EXOC5: variants seen among roughly 807,000 people sequenced by gnomAD.
EXOC5 encodes the protein SEC10-like 1.
Under a neutral mutation model 90.8 loss-of-function variants are expected in EXOC5, and 17 were observed. The observed-to-expected ratio is 0.19, with a 90% CI of 0.13 to 0.28. The LOEUF is 0.28. Ranked by LOEUF, EXOC5 falls within the 10% of genes least tolerant of loss-of-function variation. The pLI, the probability that EXOC5 is intolerant of heterozygous loss-of-function variation, is 1.00. For synonymous variants in EXOC5, 260 were observed against 270.0 expected (o/e 0.96, Z 0.36); for missense variants, 569 against 830.6 (o/e 0.69, Z 3.87).
In EXOC5 at chr14:57,232,709, T is replaced by C; in HGVS notation, c.896A>G (p.Asp299Gly). Residue 299 changes from aspartate to glycine, a missense_variant, in exon 10 of 18, where the codon GAT becomes GGT. This residue lies in a region of EXOC5 where 114 missense variants were observed against 111.2 expected (regional missense o/e 1.03). Coordinates refer to ENST00000621441, the MANE Select transcript of EXOC5 (RefSeq NM_006544.4). ...GAGATTTTTGAGATATTGCTCTGCATCGGACTTCCTACATTCTTCTAACTG... is the reference window on the plus strand; with the variant it reads ...GAGATTTTTGAGATATTGCTCTGCACCGGACTTCCTACATTCTTCTAACTG... ...KEQLEECRKSDAEQYLKNLYD... is the reference protein window; with the variant it reads ...KEQLEECRKSGAEQYLKNLYD... 1 of 1,556,040 alleles carries C rather than the reference T, an allele frequency of 6.4e-7. No individual in the cohort carries two copies.
At chr14:57,217,885 G>T in intron 15 of EXOC5, 97 bp downstream of exon 15, 1 of 690,082 alleles carries the variant, frequency 1.4e-6, no homozygotes, top group Non-Finnish European at 2.6e-6. Context: ...GTGGAATTAA[G>T]ATAAATATTT....
intron 1 of EXOC5, among the ~76,000 whole-genome samples, chr14:57,258,969 C>T (rs1460632360): frequency 6.6e-6 from 1 of 152,124 alleles, no homozygotes; most frequent in Non-Finnish European, 1.5e-5. Flanking sequence ...ACTAACCCAT[C>T]GGTTCAAAAG....
Position 57,205,712 on chromosome 14 carries a change from T to A in EXOC5, c.*2897A>T. 1 of 365,534 alleles carries A rather than the reference T, an allele frequency of 2.7e-6. No homozygotes were observed. The allele number at this position is 365,534 out of a possible 1,614,324, so 22.6% of individuals were successfully genotyped here. A position where few individuals can be genotyped will look rare whatever the true frequency, so the allele number is the denominator to read the frequency against. On this transcript the variant is annotated 3_prime_UTR_variant, in exon 18 of 18. Transcript: ENST00000621441. Reference sequence around the variant, plus strand: ...ATTTCACTGTGAACCAGAAGGCTAGTATTTAGAAAGCAAAATATTTAGAAG... The same window carrying A: ...ATTTCACTGTGAACCAGAAGGCTAGAATTTAGAAAGCAAAATATTTAGAAG...
intron 14 of EXOC5, 106 bp downstream of exon 14, chr14:57,219,214 ATT>A: frequency 1.8e-6 from 1 of 557,774 alleles, no homozygotes; most frequent in Non-Finnish European, 2.8e-6. Flanking sequence ...CCAGTTTGAC[ATT>A]TTTTGTGAAA....
intron 13 of EXOC5, among the ~76,000 whole-genome samples, chr14:57,220,475 C>T (rs1366394418): frequency 1.3e-5 from 2 of 151,998 alleles, no homozygotes; most frequent in African/African-American, 4.8e-5. Flanking sequence ...AAAACTGGCA[C>T]ACACAAACAG....
rs1179534323 is a variant in EXOC5 at position 57,207,907 on chromosome 14, A to C, written c.*702T>G. On this transcript the variant is annotated 3_prime_UTR_variant, in exon 18 of 18. Transcript: ENST00000621441. The stretch of plus-strand genomic sequence containing the variant: ...AGAATTGGCTTAAAATCTATTTACC[A>C]AATAAGAAATAGTAAACTTTTAAGT... 3.3e-5 allele frequency: 5 copies of C among 152,140 alleles called. No homozygotes were observed. The highest frequency in any genetic ancestry group is 4.8e-5 in the African/African-American group (2 of 41,444). 9.4% of individuals were successfully genotyped at this position (152,140 alleles called of 1,614,324 possible).
In EXOC5 at chr14:57,267,276, C is replaced by T. The variant is rs145729011; in HGVS notation, c.27+1346G>A. ...TGAGAAAATACAATATCTCTGAAGTCTTTCTTGTAATTACAATCCTTCATT... is the reference window on the plus strand; with the variant it reads ...TGAGAAAATACAATATCTCTGAAGTTTTTCTTGTAATTACAATCCTTCATT... On this transcript the variant is annotated intron_variant, in intron 1 of 17. Transcript: ENST00000621441. Among the ~76,000 whole-genome samples the T allele has an allele frequency of 2.6e-3, 395 of 152,286 alleles. 3 individuals carry two copies. Among genetic ancestry groups the T allele is most frequent in the Non-Finnish European group, 4.1e-3 (279 of 68,014 alleles).
intron 12 of EXOC5, 22 bp from the exon 13 acceptor site, chr14:57,222,438 A>G (rs1431363027): frequency 2.2e-6 from 3 of 1,341,956 alleles, no homozygotes; most frequent in Admixed American, 1.9e-5. Context: ...AAATCAAACA[A>G]TATCACTCCT....
In EXOC5 at chr14:57,220,210, C is replaced by A. The variant is rs541029651; in HGVS notation, c.1406-768G>T. The stretch of plus-strand genomic sequence containing the variant: ...AACAAAGGTGTTTCCCTCCGCCCCC[C>A]CTGCCCCCGCAAGTAAAAGACAAGA... On this transcript the variant is annotated intron_variant, in intron 13 of 17. Transcript: ENST00000621441. Among the ~76,000 whole-genome samples the A allele has an allele frequency of 4.6e-5, 7 of 151,586 alleles. No individual in the cohort carries two copies. The East Asian group carries it at 5.8e-4, about 13-fold the overall frequency.
intron 1 of EXOC5, among the ~76,000 whole-genome samples, chr14:57,251,531 G>C (rs1230844514): frequency 6.6e-6 from 1 of 152,054 alleles, no homozygotes; most frequent in Non-Finnish European, 1.5e-5. Context: ...ACACAGTGAA[G>C]GCAGTGCTAA....
intron 6 of EXOC5, 92 bp downstream of exon 6, chr14:57,237,246 T>C (rs1330080126): frequency 1.4e-6 from 1 of 740,542 alleles, no homozygotes; most frequent in Non-Finnish European, 2.4e-6. Flanking sequence ...GAAGATGACA[T>C]TGTTCCTGCT....
chr14:57,222,285 A>C (rs551443967), intron 13 of EXOC5, 23 bp downstream of exon 13: 1 of 1,138,526 alleles, frequency 8.8e-7, no homozygotes, highest in East Asian at 2.5e-5. Flanking sequence ...AATTTAACAC[A>C]AGTGTAACAC....
chr14:57,223,245 C>A (rs1883208694), intron 12 of EXOC5, among the ~76,000 whole-genome samples: 1 of 152,044 alleles, frequency 6.6e-6, no homozygotes, highest in African/African-American at 2.4e-5. Flanking sequence ...ATTAGTTATG[C>A]TGGGAAAATA....
rs1367936634 is a variant in EXOC5 at position 57,268,459 on chromosome 14, T to C, written c.27+163A>G. 1.2e-5 allele frequency: 18 copies of C among 1,469,084 alleles called. No homozygotes were observed. The South Asian group carries it at 2.2e-4, about 18-fold the overall frequency. The allele number at this position is 1,469,084 out of a possible 1,614,324, so 91.0% of individuals were successfully genotyped here. ...CAAGCACCCCTCCCCCATTTCACGC[T>C]CCGCCCGCGCTGACACGGAGCTGCC... is the stretch of plus-strand genomic sequence containing the variant. On this transcript the variant is annotated intron_variant, in intron 1 of 17. Coordinates refer to ENST00000621441, the MANE Select transcript of EXOC5 (RefSeq NM_006544.4).
intron 7 of EXOC5, 33 bp downstream of exon 7, chr14:57,235,678 G>A (rs1173483750): frequency 9.2e-7 from 1 of 1,089,498 alleles, no homozygotes; most frequent in Admixed American, 2.0e-5. Flanking sequence ...CCATAGCCTT[G>A]AACACTATTC....
intron 1 of EXOC5, among the ~76,000 whole-genome samples, chr14:57,259,289 G>A (rs1320839211): frequency 6.6e-6 from 1 of 152,046 alleles, no homozygotes; most frequent in African/African-American, 2.4e-5. Flanking sequence ...AGTAGAGATG[G>A]GGTTTTGCCA....
intron 12 of EXOC5, among the ~76,000 whole-genome samples, chr14:57,224,197 C>T (rs566852649): frequency 6.6e-6 from 1 of 151,800 alleles, no homozygotes; most frequent in Admixed American, 6.6e-5. Context: ...GGGGATAAAA[C>T]CCAAGTAAGC....
At chr14:57,212,971 C>G (rs1237612253) in intron 15 of EXOC5, among the ~76,000 whole-genome samples, 1 of 152,152 alleles carries the variant, frequency 6.6e-6, no homozygotes, top group Non-Finnish European at 1.5e-5. Context: ...TCATCACTTT[C>G]AGCACAGAGT....
At chr14:57,213,015 G>A (rs1882872812) in intron 15 of EXOC5, among the ~76,000 whole-genome samples, 1 of 152,074 alleles carries the variant, frequency 6.6e-6, no homozygotes, top group Admixed American at 6.6e-5. Flanking sequence ...ATATATGGTG[G>A]TCATTCCAAT....
Sources: gnomAD v4.1 joint callset for allele counts (sites outside exome capture counted in the v4.1 genomes callset) on GRCh38, gnomAD v4.1.1 for gene constraint, gnomAD v4.1.1 regional missense constraint, MANE v1.5 for transcripts, NCBI Gene and HGNC (gene_info 2026-07-23, HGNC 2026-07-21) for gene names.